Variants in OTUD7A observed in about 807,000 individuals in gnomAD.
The protein encoded by OTUD7A is OTU deubiquitinase 7A, also known as OTU domain-containing protein 7A.
In OTUD7A, 12 loss-of-function variants were observed where a neutral mutation model predicts 65.7. That is an observed-to-expected ratio of 0.18 (90% CI 0.12 to 0.30). The LOEUF is 0.30. Among genes scored for constraint, OTUD7A ranks in the 10% least tolerant of loss-of-function variants. The pLI is 1.00. For missense variants in OTUD7A, 1,148 were observed against 1,304.8 expected (o/e 0.88, Z 1.85); for synonymous variants, 641 against 586.3 (o/e 1.09, Z -1.35).
chr15:31,813,119 T>A (rs1242258551), intron 1 of OTUD7A, among the ~76,000 whole-genome samples: 3 of 152,196 alleles, frequency 2.0e-5, no homozygotes, highest in African/African-American at 7.2e-5. Context: ...GCTGGTAGCA[T>A]GTGCTCAATA....
At chr15:31,837,069 T>C (rs1209433004) in intron 1 of OTUD7A, among the ~76,000 whole-genome samples, 5 of 152,292 alleles carry the variant, frequency 3.3e-5, no homozygotes, top group East Asian at 3.9e-4. Context: ...ACAGATAACA[T>C]AGTCTACATA....
chr15:31,596,402 G>A (rs143654070), intron 3 of OTUD7A, among the ~76,000 whole-genome samples: 4 of 152,310 alleles, frequency 2.6e-5, no homozygotes, highest in African/African-American at 4.8e-5. Context: ...GGATATGTGC[G>A]TTACTTCTAG....
chr15:31,627,600 G>T (rs373691647), intron 3 of OTUD7A, among the ~76,000 whole-genome samples: 5 of 152,054 alleles, frequency 3.3e-5, no homozygotes, highest in African/African-American at 1.2e-4. Context: ...CTTTGGGTAT[G>T]TACCCAGTAA....
At chr15:31,794,044 T>C (rs1330978510) in intron 1 of OTUD7A, among the ~76,000 whole-genome samples, 1 of 152,270 alleles carries the variant, frequency 6.6e-6, no homozygotes, top group Non-Finnish European at 1.5e-5. Context: ...CTAAGCCTTC[T>C]TTGATTAACA....
At chr15:31,647,842 G>A (rs573784074) in intron 3 of OTUD7A, among the ~76,000 whole-genome samples, 7 of 152,018 alleles carry the variant, frequency 4.6e-5, no homozygotes, top group Non-Finnish European at 7.4e-5. Flanking sequence ...ATGATCCATC[G>A]TGGAGGGAGA....
At chr15:31,640,992 G>C (rs1260881226) in intron 3 of OTUD7A, among the ~76,000 whole-genome samples, 1 of 152,126 alleles carries the variant, frequency 6.6e-6, no homozygotes, top group Non-Finnish European at 1.5e-5. Flanking sequence ...ATCAGGTATT[G>C]TCAGACTTCT....
At position 31,484,735 on chromosome 15, in the gene OTUD7A, A is replaced by T. The variant is rs763725467; in HGVS notation, c.1372-11T>A. 6.3e-7 allele frequency: 1 copy of T among 1,588,680 alleles called. No individual in the cohort carries two copies. Among genetic ancestry groups the T allele is most frequent in the South Asian group, 1.1e-5 (1 of 88,878 alleles). On this transcript the variant is annotated splice_polypyrimidine_tract_variant and intron_variant, in intron 12 of 12. Transcript: ENST00000307050. The surrounding 1 kb of genome is among the most constrained non-coding windows in gnomAD (Gnocchi z 4.5). Reference sequence around the variant, plus strand: ...CTGTGCCAGGGGCGCCTGTGTGGAGAGGGAGGGCCGGATCGAAGGTGGTTA... The same window carrying T: ...CTGTGCCAGGGGCGCCTGTGTGGAGTGGGAGGGCCGGATCGAAGGTGGTTA...
chr15:31,868,356 A>G (rs1192020132), intron 1 of OTUD7A, among the ~76,000 whole-genome samples: 1 of 152,242 alleles, frequency 6.6e-6, no homozygotes, highest in African/African-American at 2.4e-5. Context: ...AACGTGGTGA[A>G]TATTTTCACG....
intron 5 of OTUD7A, chr15:31,556,712 A>C (rs1888507672): frequency 6.6e-6 from 1 of 152,248 alleles, no homozygotes; most frequent in Non-Finnish European, 1.5e-5. Flanking sequence ...CACCCAAGCT[A>C]TTAGCAATCG....
At chr15:31,695,383 C>T (rs1216947327) in intron 1 of OTUD7A, among the ~76,000 whole-genome samples, 1 of 141,998 alleles carries the variant, frequency 7.0e-6, no homozygotes, top group Non-Finnish European at 1.6e-5. Flanking sequence ...AATTTACATA[C>T]CCACCAACAC....
intron 1 of OTUD7A, among the ~76,000 whole-genome samples, chr15:31,719,066 C>T (rs1342157193): frequency 6.6e-6 from 1 of 152,074 alleles, no homozygotes; most frequent in South Asian, 2.1e-4. Flanking sequence ...GGTTCACATT[C>T]ATGAAAGTTC....
intron 1 of OTUD7A, among the ~76,000 whole-genome samples, chr15:31,669,239 G>A (rs995546993): frequency 6.6e-6 from 1 of 152,214 alleles, no homozygotes; most frequent in Non-Finnish European, 1.5e-5. Flanking sequence ...TTTATCTTCA[G>A]CTACCAGGGT....
intron 1 of OTUD7A, among the ~76,000 whole-genome samples, chr15:31,668,558 T>C (rs1033469519): frequency 6.6e-6 from 1 of 152,214 alleles, no homozygotes; most frequent in African/African-American, 2.4e-5. Flanking sequence ...CCTTCTTTTA[T>C]TGTTTTTTGG....
chr15:31,527,903 A>G (rs1319554738), intron 6 of OTUD7A, among the ~76,000 whole-genome samples: 1 of 152,246 alleles, frequency 6.6e-6, no homozygotes, highest in Non-Finnish European at 1.5e-5. Flanking sequence ...GAAACCAGCC[A>G]TCTCTGAGAA....
intron 1 of OTUD7A, among the ~76,000 whole-genome samples, chr15:31,719,391 C>G (rs1178042126): frequency 6.6e-6 from 1 of 151,934 alleles, no homozygotes; most frequent in Non-Finnish European, 1.5e-5. Flanking sequence ...AAATCAAACT[C>G]TCCTGTAATC....
intron 5 of OTUD7A, among the ~76,000 whole-genome samples, chr15:31,542,055 G>C (rs1888002787): frequency 6.6e-6 from 1 of 151,944 alleles, no homozygotes; most frequent in Non-Finnish European, 1.5e-5. Flanking sequence ...ATTCCTCTTG[G>C]GAAACTGGTA....
At chr15:31,586,064 G>A (rs1322904940) in intron 3 of OTUD7A, among the ~76,000 whole-genome samples, 3 of 152,306 alleles carry the variant, frequency 2.0e-5, no homozygotes, top group East Asian at 1.9e-4. Flanking sequence ...GTGAGGCTAC[G>A]CTGGTTCACC....
intron 1 of OTUD7A, among the ~76,000 whole-genome samples, chr15:31,779,579 G>A (rs918257486): frequency 4.6e-5 from 7 of 152,140 alleles, no homozygotes; most frequent in Non-Finnish European, 7.3e-5. Context: ...TCTCCTTTCC[G>A]TGGCCTTTGT....
At position 31,559,046 on chromosome 15, in the gene OTUD7A, A is replaced by G; in HGVS notation, c.473T>C (p.Val158Ala). 1 of 1,614,200 alleles carries G rather than the reference A, an allele frequency of 6.2e-7. No individual in the cohort carries two copies. Among genetic ancestry groups the G allele is most frequent in the Non-Finnish European group, 8.5e-7 (1 of 1,180,032 alleles). ...IYTFQLPDLS[V>A]YSEDFRSFIE... Reference sequence around the variant, plus strand: ...GAAGCTCCTGAAATCCTCGCTGTACACGCTCAGGTCTGGCAACTGGAATGT... The same window carrying G: ...GAAGCTCCTGAAATCCTCGCTGTACGCGCTCAGGTCTGGCAACTGGAATGT... The change falls in exon 5 of 13, where the codon GTG (valine) becomes GCG (alanine). Residue 158 changes from valine to alanine, a missense_variant. Transcript: ENST00000307050.
Sources: allele counts gnomAD v4.1 joint callset (sites outside exome capture counted in the v4.1 genomes callset), GRCh38; gene constraint gnomAD v4.1.1; non-coding constraint Gnocchi (gnomAD v3.1); transcripts MANE v1.5; gene names NCBI Gene and HGNC (gene_info 2026-07-23, HGNC 2026-07-21).